Variants in CA5A observed in about 807,000 individuals in gnomAD.
CA5A encodes the protein carbonic anhydrase 5A, mitochondrial.
CA5A carries 28 observed loss-of-function variants against 37.1 expected under a neutral mutation model. The observed-to-expected ratio is 0.75, with a 90% CI of 0.56 to 1.03. The LOEUF (loss-of-function observed/expected upper bound fraction) is 1.03. Ranked by LOEUF, CA5A falls within the 50% of genes least tolerant of loss-of-function variation. CA5A has a pLI of 0.00. For synonymous variants in CA5A, 171 were observed against 158.4 expected, an observed-to-expected ratio of 1.08 and a Z score of -0.60; for missense variants, 444 against 399.9, an observed-to-expected ratio of 1.11 and a Z score of -0.94.
intron 2 of CA5A, among the ~76,000 whole-genome samples, chr16:87,910,685 C>T (rs542589214): frequency 7.4e-4 from 112 of 152,216 alleles, no homozygotes; most frequent in African/African-American, 2.6e-3. Context: ...TCCAGTGATT[C>T]TCCTGCCTCA....
Position 87,921,643 on chromosome 16 carries a change from G to C in CA5A, c.340+5105C>G, listed in dbSNP as rs1597578949. 1.3e-5 allele frequency among the ~76,000 whole-genome samples: 2 copies of C among 152,292 alleles called. 1 individual carries two copies. Among genetic ancestry groups the C allele is most frequent in the South Asian group, 4.1e-4 (2 of 4,830 alleles). ...TCTGGACCCCGTGAATGGGAGTCGG[G>C]GATGGGCTCGCTCCCAAGGAAAACA... is the stretch of plus-strand genomic sequence containing the variant. On this transcript the variant is annotated intron_variant, in intron 2 of 6. Coordinates refer to ENST00000649794, the MANE Select transcript of CA5A (RefSeq NM_001739.2).
At chr16:87,898,840 T>C (rs1413999572) in intron 5 of CA5A, among the ~76,000 whole-genome samples, 1 of 151,202 alleles carries the variant, frequency 6.6e-6, no homozygotes, top group Non-Finnish European at 1.5e-5. Context: ...GTTCAAGCGA[T>C]TCTCCTGCCT....
intron 2 of CA5A, among the ~76,000 whole-genome samples, chr16:87,905,776 C>T (rs773169394): frequency 2.6e-5 from 4 of 152,254 alleles, no homozygotes; most frequent in African/African-American, 9.6e-5. Flanking sequence ...TCCTTCCTTC[C>T]TAAGTCACCC....
At chr16:87,915,408 G>C (rs1330743024) in intron 2 of CA5A, among the ~76,000 whole-genome samples, 2 of 152,094 alleles carry the variant, frequency 1.3e-5, no homozygotes, top group Non-Finnish European at 2.9e-5. Flanking sequence ...GGTGGAGTGA[G>C]CCTGTAGTCC....
intron 2 of CA5A, among the ~76,000 whole-genome samples, chr16:87,917,104 C>CAAAAAAAAAA (rs762381468): frequency 1.5e-5 from 1 of 65,846 alleles, no homozygotes; most frequent in Non-Finnish European, 3.6e-5. Flanking sequence ...GAGTCTGTCT[C>CAAAAAAAAAA]AAAAAAAAAA....
At chr16:87,930,735 ATTT>A (rs68126628) in intron 1 of CA5A, among the ~76,000 whole-genome samples, 16 of 134,502 alleles carry the variant, frequency 1.2e-4, no homozygotes, top group South Asian at 7.2e-4. Flanking sequence ...CTTTGGATCT[ATTT>A]TTTTTTTTTT....
chr16:87,930,814 C>A (rs2144094215), intron 1 of CA5A, among the ~76,000 whole-genome samples: 1 of 151,416 alleles, frequency 6.6e-6, no homozygotes, highest in Non-Finnish European at 1.5e-5. Flanking sequence ...GATCTCAGCT[C>A]ACTGCAAGCT....
intron 1 of CA5A, among the ~76,000 whole-genome samples, chr16:87,933,182 G>C (rs2056430898): frequency 6.6e-6 from 1 of 152,204 alleles, no homozygotes; most frequent in African/African-American, 2.4e-5. Context: ...GCAGTGTGCT[G>C]GTTGAGGTTT....
intron 2 of CA5A, among the ~76,000 whole-genome samples, chr16:87,925,349 G>A (rs1189434261): frequency 6.6e-6 from 1 of 152,182 alleles, no homozygotes; most frequent in African/African-American, 2.4e-5. Flanking sequence ...AGGAGCTTCT[G>A]GAGTCCTCAC....
chr16:87,891,579 G>A (rs1044105569), intron 6 of CA5A, among the ~76,000 whole-genome samples: 2 of 152,188 alleles, frequency 1.3e-5, no homozygotes, highest in African/African-American at 2.4e-5. Flanking sequence ...ATAGATTAGG[G>A]CGTTGCTCAG....
chr16:87,932,861 C>T (rs1385828297), intron 1 of CA5A, among the ~76,000 whole-genome samples: 1 of 152,210 alleles, frequency 6.6e-6, no homozygotes, highest in East Asian at 1.9e-4. Flanking sequence ...GCTATCCCCT[C>T]CCCCATTGTC....
chr16:87,935,467 C>T (rs969384125), intron 1 of CA5A, among the ~76,000 whole-genome samples: 8 of 152,184 alleles, frequency 5.3e-5, no homozygotes, highest in African/African-American at 1.7e-4. Context: ...GATGGTGAGT[C>T]GTGCCAGTGT....
intron 6 of CA5A, among the ~76,000 whole-genome samples, chr16:87,889,781 T>A (rs1301931881): frequency 4.6e-5 from 7 of 151,922 alleles, no homozygotes; most frequent in African/African-American, 1.7e-4. Context: ...CAAAAAAAAA[T>A]AATAAAATAA....
chr16:87,902,554 C>T (rs575261601), intron 3 of CA5A, 34 bp from the exon 4 acceptor site: 2 of 1,128,682 alleles, frequency 1.8e-6, no homozygotes, highest in Admixed American at 3.4e-5. Context: ...TTAAATTGAT[C>T]AGCAAGAAAT....
chr16:87,913,893 G>A (rs1487322686), intron 2 of CA5A, among the ~76,000 whole-genome samples: 5 of 152,180 alleles, frequency 3.3e-5, no homozygotes, highest in Non-Finnish European at 7.3e-5. Flanking sequence ...CATCTGGGAG[G>A]GCATAAGGAA....
Position 87,901,143 on chromosome 16 carries a change from T to C in CA5A, c.618+769A>G, listed in dbSNP as rs1280579770. 3.3e-5 allele frequency among the ~76,000 whole-genome samples: 5 copies of C among 152,178 alleles called. No homozygotes were observed. The East Asian group carries it at 5.8e-4, about 18-fold the overall frequency. On this transcript the variant is annotated intron_variant, in intron 5 of 6. Coordinates refer to ENST00000649794, the MANE Select transcript of CA5A (RefSeq NM_001739.2). ...CGCATGGGAGGCTGAGGCAAGAGAA[T>C]TGCTTGAACCCGGGAGGCGGAGGTT...
At chr16:87,923,589 G>A in intron 2 of CA5A, 1 of 985,418 alleles carries the variant, frequency 1.0e-6, no homozygotes. Context: ...ATGAGGTCTT[G>A]GTGAGGACAT....
At chr16:87,918,636 T>C (rs1326623022) in intron 2 of CA5A, among the ~76,000 whole-genome samples, 1 of 152,234 alleles carries the variant, frequency 6.6e-6, no homozygotes, top group Non-Finnish European at 1.5e-5. Context: ...CGGGAGCCTG[T>C]CCGTGTGCAG....
chr16:87,915,645 C>A (rs1245501856), intron 2 of CA5A, among the ~76,000 whole-genome samples: 1 of 117,926 alleles, frequency 8.5e-6, no homozygotes, highest in African/African-American at 3.3e-5. Context: ...GCTGTGATTG[C>A]ACCACTGCAC....
Sources: gnomAD v4.1 joint callset for allele counts (sites outside exome capture counted in the v4.1 genomes callset) on GRCh38, gnomAD v4.1.1 for gene constraint, MANE v1.5 for transcripts, NCBI Gene and HGNC (gene_info 2026-07-23, HGNC 2026-07-21) for gene names.